ECPAS: variants seen among roughly 807,000 people sequenced by gnomAD.
The protein encoded by ECPAS is proteasome adapter and scaffold protein ECM29.
Under a neutral mutation model 255.1 loss-of-function variants are expected in ECPAS, and 70 were observed. That is an observed-to-expected ratio of 0.27 (90% CI 0.23 to 0.33). The LOEUF (loss-of-function observed/expected upper bound fraction) is 0.33. Among genes scored for constraint, ECPAS ranks in the 10% least tolerant of loss-of-function variants. The pLI, the probability that ECPAS is intolerant of heterozygous loss-of-function variation, is 1.00. For missense variants in ECPAS, 1,817 were observed against 2,206.4 expected (o/e 0.82, Z 3.54); for synonymous variants, 784 against 775.0 (o/e 1.01, Z -0.19).
intron 1 of ECPAS, among the ~76,000 whole-genome samples, chr9:111,481,552 A>T (rs939785265): frequency 6.6e-6 from 1 of 152,172 alleles, no homozygotes; most frequent in African/African-American, 2.4e-5. Flanking sequence ...TTCCTTAAAA[A>T]TTTAAAACTA....
chr9:111,473,532 C>T (rs920647669), intron 1 of ECPAS, among the ~76,000 whole-genome samples: 1 of 152,200 alleles, frequency 6.6e-6, no homozygotes, highest in South Asian at 2.1e-4. Context: ...ACGTGGCTCC[C>T]AGTCAGCTGA....
intron 38 of ECPAS, 125 bp from the exon 39 acceptor site, chr9:111,374,163 C>A: frequency 1.6e-6 from 1 of 626,930 alleles, no homozygotes. Context: ...CCCTCCAGGA[C>A]TCAATATAGA....
intron 8 of ECPAS, among the ~76,000 whole-genome samples, chr9:111,431,846 G>GC (rs1323069824): frequency 6.6e-6 from 1 of 152,092 alleles, no homozygotes; most frequent in Non-Finnish European, 1.5e-5. Flanking sequence ...ATCCTCAGAG[G>GC]CATTCTACAA....
chr9:111,433,447 T>C (rs575424778), intron 7 of ECPAS, 75 bp from the exon 8 acceptor site: 56 of 1,516,408 alleles, frequency 3.7e-5, no homozygotes, highest in Non-Finnish European at 4.9e-5. Flanking sequence ...CTGCTTAACA[T>C]ATCAGTGTGG....
In ECPAS at chr9:111,393,728, G is replaced by T; in HGVS notation, c.2929C>A (p.Leu977Ile). 1 of 1,585,342 alleles carries T rather than the reference G, an allele frequency of 6.3e-7. No individual in the cohort carries two copies. The highest frequency in any genetic ancestry group is 8.7e-7 in the Non-Finnish European group (1 of 1,155,540). The part of the protein sequence containing the change: ...LSTHKEVKSH[L>I]KEIQSAFVSV... ...ACAAATGCACTTTGAATTTCTTTAAGATGAGACTGAAAGAAGAAAAAAGGC... is the reference window on the plus strand; with the variant it reads ...ACAAATGCACTTTGAATTTCTTTAATATGAGACTGAAAGAAGAAAAAAGGC... Residue 977 changes from leucine to isoleucine, a missense_variant, in exon 27 of 50, where the codon CTT becomes ATT. Coordinates refer to ENST00000684092, the MANE Select transcript of ECPAS (RefSeq NM_001364929.1).
In ECPAS at chr9:111,430,575, A is replaced by G; in HGVS notation, c.902T>C (p.Leu301Pro). ...TTTTGTCTTCAGTGGTATATCTCCA[A>G]GGTACACCTTGTACATCTTATTAAT... Reference protein sequence around the residue: ...AIINKMYKVYLGDIPLKTKEG... With the variant: ...AIINKMYKVYPGDIPLKTKEG... The change falls in exon 9 of 50, where the codon CTT becomes CCT. Residue 301 changes from leucine to proline, a missense_variant. Coordinates refer to ENST00000684092, the MANE Select transcript of ECPAS (RefSeq NM_001364929.1). 6.2e-7 allele frequency: 1 copy of G among 1,600,350 alleles called. No individual in the cohort carries two copies. Among genetic ancestry groups the G allele is most frequent in the Non-Finnish European group, 8.5e-7 (1 of 1,171,704 alleles).
chr9:111,392,550 A>G (rs969911531), intron 28 of ECPAS, among the ~76,000 whole-genome samples: 1 of 152,190 alleles, frequency 6.6e-6, no homozygotes, highest in African/African-American at 2.4e-5. Context: ...TGAGACCATT[A>G]AACTTTCGAC....
At chr9:111,414,807 A>G (rs1422434482) in intron 18 of ECPAS, among the ~76,000 whole-genome samples, 156 bp from the exon 19 acceptor site, 1 of 152,266 alleles carries the variant, frequency 6.6e-6, no homozygotes, top group Non-Finnish European at 1.5e-5. Context: ...GCCATAATGG[A>G]GCAAAATTTG....
In ECPAS at chr9:111,433,251, T is replaced by C. The variant is rs756962646; in HGVS notation, c.830A>G (p.Glu277Gly). ...TAGTTACCTCTGTTTGCTTTTCAAT[T>C]CCAGGTCTGCTGCCGTTGCCACACT... ...RHSVATAADLELKSKQSLIDW... is the reference protein window; with the variant it reads ...RHSVATAADLGLKSKQSLIDW... Residue 277 changes from glutamate to glycine, a missense_variant, in exon 8 of 50, where the codon GAA becomes GGA. This residue lies in a region of ECPAS where 573 missense variants were observed against 716.2 expected (regional missense o/e 0.80). Transcript: ENST00000684092. 1.7e-5 allele frequency: 27 copies of C among 1,613,978 alleles called. No homozygotes were observed. The South Asian group carries it at 2.7e-4, about 16-fold the overall frequency.
At chr9:111,417,106 G>T (rs1326773236) in intron 17 of ECPAS, among the ~76,000 whole-genome samples, 1 of 152,088 alleles carries the variant, frequency 6.6e-6, no homozygotes, top group Non-Finnish European at 1.5e-5. Flanking sequence ...CAGGCACGGT[G>T]GTGCACGCCT....
chr9:111,397,049 C>A lies in ECPAS; in HGVS notation c.2757G>T (p.Glu919Asp), dbSNP rs766393351. Residue 919 changes from glutamate to aspartate, a missense_variant, in exon 25 of 50, where the codon GAG becomes GAT. This residue lies in a region of ECPAS where 960 missense variants were observed against 1,179.0 expected (regional missense o/e 0.81). Transcript: ENST00000684092. ...TGGTACCAGCAGGTGGAGTATATTC[C>A]TCTTCAGTCATTTGCCAGGCATCTC... is the stretch of plus-strand genomic sequence containing the variant. ...AARDAWQMTE[E>D]EYTPPAGAKV... The A allele has an allele frequency of 5.0e-6, 8 of 1,613,930 alleles. No individual in the cohort carries two copies. The South Asian group carries it at 8.8e-5, about 18-fold the overall frequency.
chr9:111,408,445 A>G, intron 24 of ECPAS, 126 bp downstream of exon 24: 1 of 592,268 alleles, frequency 1.7e-6, no homozygotes, highest in Non-Finnish European at 3.0e-6. Flanking sequence ...GTACTCAAGT[A>G]TCTGGTGAAT....
chr9:111,392,880 G>GTTAGCC lies in ECPAS; in HGVS notation c.2979_2980insGGCTAA (p.Glu993_Leu994insGlyTer). On this transcript the variant is annotated stop_gained and inframe_insertion and splice_region_variant, in exon 28 of 50. Coordinates refer to ENST00000684092, the MANE Select transcript of ECPAS (RefSeq NM_001364929.1). LOFTEE classifies it high-confidence loss of function. ...CCCTTTGATGCAACATCTTGGCTAA[G>GTTAGCC]TTCTACAAGAAAGTCAGACAAGATT... 6.2e-7 allele frequency: 1 copy of GTTAGCC among 1,600,568 alleles called. No individual in the cohort carries two copies. Among genetic ancestry groups the GTTAGCC allele is most frequent in the Non-Finnish European group, 8.5e-7 (1 of 1,173,208 alleles).
chr9:111,463,071 T>C (rs1254432083), intron 2 of ECPAS, among the ~76,000 whole-genome samples: 1 of 152,168 alleles, frequency 6.6e-6, no homozygotes, highest in Non-Finnish European at 1.5e-5. Context: ...CATGTCAGGA[T>C]AGGTTAGTGA....
Position 111,362,066 on chromosome 9 carries a change from TG to T in ECPAS, c.5483del (p.Ala1828GlufsTer4). 6.2e-7 allele frequency: 1 copy of T among 1,612,396 alleles called. No individual in the cohort carries two copies. Among genetic ancestry groups the T allele is most frequent in the Non-Finnish European group, 8.5e-7 (1 of 1,179,192 alleles). ...PDSRPELQEK[A>X]ALLKKTLENL... ...TTTCAAGTGTTTTCTTCAGTAACGCTGCTTTCTCCTGCAGTTCAGGTCTGCT... is the reference window on the plus strand; with the variant it reads ...TTTCAAGTGTTTTCTTCAGTAACGCTCTTTCTCCTGCAGTTCAGGTCTGCT... On this transcript the variant is annotated frameshift_variant, in exon 50 of 50. Transcript: ENST00000684092. LOFTEE classifies it high-confidence loss of function.
intron 35 of ECPAS, among the ~76,000 whole-genome samples, chr9:111,382,260 CTTTT>C (rs35441317): frequency 1.0e-3 from 108 of 107,700 alleles, no homozygotes; most frequent in Middle Eastern, 0.011. Context: ...AAAAGTGATA[CTTTT>C]TTTTTTTTTT....
intron 1 of ECPAS, among the ~76,000 whole-genome samples, chr9:111,483,204 TG>T (rs956605419): frequency 6.6e-6 from 1 of 151,778 alleles, no homozygotes; most frequent in African/African-American, 2.4e-5. Flanking sequence ...CGAGGCTCAG[TG>T]GGCAGGGGGC....
chr9:111,479,980 CAAA>C (rs55754008), intron 1 of ECPAS, among the ~76,000 whole-genome samples: 5 of 79,584 alleles, frequency 6.3e-5, no homozygotes, highest in Admixed American at 1.3e-4. Flanking sequence ...AACTCCGTCT[CAAA>C]AAAAAAAAAA....
Position 111,375,184 on chromosome 9 carries a change from C to A in ECPAS, c.4039G>T (p.Val1347Leu), listed in dbSNP as rs1156508143. 3 of 1,613,540 alleles carry A rather than the reference C, an allele frequency of 1.9e-6. No homozygotes were observed. Among genetic ancestry groups the A allele is most frequent in the Non-Finnish European group, 8.5e-7 (1 of 1,179,706 alleles). The stretch of plus-strand genomic sequence containing the variant: ...GGAACTAGCTCGCCCAGCACTGACA[C>A]ATCAAGGTATTGCAGGCACTTTTGA... ...TINMCLQYLDVSVLGELVPRL... is the reference protein window; with the variant it reads ...TINMCLQYLDLSVLGELVPRL... Residue 1347 changes from valine (V) to leucine (L), a missense_variant, in exon 38 of 50, where the codon GTG becomes TTG. This residue lies in a region of ECPAS where 960 missense variants were observed against 1,179.0 expected (regional missense o/e 0.81). Transcript: ENST00000684092.
Sources: allele counts gnomAD v4.1 joint callset (sites outside exome capture counted in the v4.1 genomes callset), GRCh38; gene constraint gnomAD v4.1.1; regional missense constraint gnomAD v4.1.1; transcripts MANE v1.5; gene names NCBI Gene and HGNC (gene_info 2026-07-23, HGNC 2026-07-21).